Variants in LY9 observed in about 807,000 individuals in gnomAD.
LY9 encodes lymphocyte antigen 9, also known as T-lymphocyte surface antigen Ly-9.
A neutral mutation model predicts 64.6 loss-of-function variants in LY9; 59 were observed. The observed-to-expected ratio is 0.91, with a 90% CI of 0.74 to 1.13. The LOEUF (loss-of-function observed/expected upper bound fraction) is 1.13. Among genes scored for constraint, LY9 ranks in the 50% most tolerant of loss-of-function variants. The pLI is 0.00. For missense variants in LY9, 789 were observed against 797.2 expected (o/e 0.99, Z 0.12); for synonymous variants, 281 against 308.5 (o/e 0.91, Z 0.93).
chr1:160,817,166 T>G lies in LY9; in HGVS notation c.1342+303T>G, dbSNP rs939662950. On this transcript the variant is annotated intron_variant, in intron 5 of 9. Coordinates refer to ENST00000263285, the MANE Select transcript of LY9 (RefSeq NM_002348.4). ...ATTCATTAGACACTACATTTTATTT[T>G]GTACTAAGTCTTTGAGAGCCAGTAT... 2.8e-4 allele frequency among the ~76,000 whole-genome samples: 42 copies of G among 152,256 alleles called. 1 individual carries two copies. Among genetic ancestry groups the G allele is most frequent in the Non-Finnish European group, 5.9e-5 (4 of 68,044 alleles).
At position 160,827,926 on chromosome 1, in the gene LY9, G is replaced by A; in HGVS notation, c.*110G>A. 1.3e-6 allele frequency: 1 copy of A among 795,216 alleles called. No individual in the cohort carries two copies. Among genetic ancestry groups the A allele is most frequent in the South Asian group, 1.7e-5 (1 of 59,246 alleles). The allele number at this position is 795,216 out of a possible 1,614,324, so 49.3% of individuals were successfully genotyped here. On this transcript the variant is annotated 3_prime_UTR_variant, in exon 10 of 10. Transcript: ENST00000263285. ...GAAGCACCTCAGAATTTCCTTCAGTGCCTCAGAGATGCCTGGATGTGGCCC... is the reference window on the plus strand; with the variant it reads ...GAAGCACCTCAGAATTTCCTTCAGTACCTCAGAGATGCCTGGATGTGGCCC...
At chr1:160,826,312 G>A (rs1668849292) in intron 9 of LY9, among the ~76,000 whole-genome samples, 1 of 152,122 alleles carries the variant, frequency 6.6e-6, no homozygotes, top group Admixed American at 6.5e-5. Flanking sequence ...GGTAAAAGAG[G>A]TAGAGGAGGT....
intron 9 of LY9, among the ~76,000 whole-genome samples, chr1:160,826,682 G>T (rs1668869915): frequency 1.3e-5 from 2 of 152,182 alleles, no homozygotes; most frequent in African/African-American, 4.8e-5. Context: ...TTTGGGTTGG[G>T]CCTTAAAAGA....
chr1:160,814,584 G>A lies in LY9; in HGVS notation c.895G>A (p.Ala299Thr). ...ISKEREEAATADPLIKSRDPY... is the reference protein window; with the variant it reads ...ISKEREEAATTDPLIKSRDPY... ...CAAAGAGAGGGAAGAAGCAGCAACG[G>A]CAGATCCACTCATTAAATCCAGGGA... is the stretch of plus-strand genomic sequence containing the variant. Residue 299 changes from alanine to threonine, a missense_variant, in exon 4 of 10, where the codon GCA (alanine) becomes ACA (threonine). Physicochemically the swap from Ala to Thr is moderately conservative, Grantham distance 58. Transcript: ENST00000263285. The A allele has an allele frequency of 1.2e-6, 2 of 1,614,130 alleles. No individual in the cohort carries two copies. The highest frequency in any genetic ancestry group is 1.7e-6 in the Non-Finnish European group (2 of 1,180,022).
Position 160,824,625 on chromosome 1 carries a change from A to G in LY9, c.1899+376A>G, listed in dbSNP as rs1325680384. The stretch of plus-strand genomic sequence containing the variant: ...CCATTGAAAATTAGCTAACAATTTA[A>G]CAACAAGAATTTTTGGAAAATACAC... On this transcript the variant is annotated intron_variant, in intron 9 of 9. Coordinates refer to ENST00000263285, the MANE Select transcript of LY9 (RefSeq NM_002348.4). The G allele has an allele frequency of 3.1e-6, 3 of 983,424 alleles. No individual in the cohort carries two copies. In the East Asian group the frequency reaches 3.4e-4, roughly 112 times the overall value. The allele number at this position is 983,424 out of a possible 1,614,324, so 60.9% of individuals were successfully genotyped here. A position where few individuals can be genotyped will look rare whatever the true frequency, so the allele number is the denominator to read the frequency against.
At chr1:160,815,674 T>C (rs1667893864) in intron 4 of LY9, among the ~76,000 whole-genome samples, 1 of 152,186 alleles carries the variant, frequency 6.6e-6, no homozygotes, top group Admixed American at 6.5e-5. Context: ...GCATGAGCCA[T>C]GGCACCTGGC....
chr1:160,816,611 A>C lies in LY9; in HGVS notation c.1090A>C (p.Lys364Gln). Reference sequence around the variant, plus strand: ...CCTCACAGGCAGGCTGAGGAAGCCCAAAATCACGTGGAGCCTCAGGCACAG... The same window carrying C: ...CCTCACAGGCAGGCTGAGGAAGCCCCAAATCACGTGGAGCCTCAGGCACAG... ...LLIYRRLRKP[K>Q]ITWSLRHSED... Residue 364 changes from lysine to glutamine, a missense_variant, in exon 5 of 10, where the codon AAA becomes CAA. Coordinates refer to ENST00000263285, the MANE Select transcript of LY9 (RefSeq NM_002348.4). 1.2e-6 allele frequency: 2 copies of C among 1,606,128 alleles called. No individual in the cohort carries two copies. The highest frequency in any genetic ancestry group is 1.7e-5 in the Admixed American group (1 of 58,734).
At chr1:160,824,099 T>A in intron 8 of LY9, 82 bp from the exon 9 acceptor site, 1 of 1,558,778 alleles carries the variant, frequency 6.4e-7, no homozygotes, top group Non-Finnish European at 8.8e-7. Context: ...CCAGGGGGTA[T>A]CCCCTCTCCT....
chr1:160,799,482 C>A, intron 1 of LY9: 1 of 369,882 alleles, frequency 2.7e-6, no homozygotes, highest in South Asian at 5.5e-5. Flanking sequence ...AGAAATGTAC[C>A]CAAAGTCACA....
Position 160,813,433 on chromosome 1 carries a change from C to G in LY9, c.455-203C>G, listed in dbSNP as rs41266929. 2.9e-3 allele frequency: 1,735 copies of G among 596,616 alleles called. 6 individuals are homozygous for G. The highest frequency in any genetic ancestry group is 4.2e-3 in the Non-Finnish European group (1,406 of 336,262). 37.0% of individuals were successfully genotyped at this position (596,616 alleles called of 1,614,324 possible). ...AATCAGACTATTAGTCATGCTGAGT[C>G]ATGGTGATAACACCTGTAGCGGATG... On this transcript the variant is annotated intron_variant, in intron 2 of 9. Transcript: ENST00000263285.
In LY9 at chr1:160,814,647, T is replaced by G. The variant is rs1557806872; in HGVS notation, c.958T>G (p.Cys320Gly). ...CAGGGTGTGGGTCTCCAGCCAGGAC[T>G]GCTCCCTGAAGATCAGCCAGCTGAA... ...KNRVWVSSQD[C>G]SLKISQLKIE... Residue 320 changes from cysteine to glycine, a missense_variant, in exon 4 of 10, where the codon TGC becomes GGC. Physicochemically the swap from Cys to Gly is radical, Grantham distance 159. Transcript: ENST00000263285. The G allele has an allele frequency of 6.2e-7, 1 of 1,614,098 alleles. No individual in the cohort carries two copies. The highest frequency in any genetic ancestry group is 8.5e-7 in the Non-Finnish European group (1 of 1,179,992).
intron 2 of LY9, among the ~76,000 whole-genome samples, chr1:160,808,999 G>A (rs1255564420): frequency 6.6e-6 from 1 of 151,766 alleles, no homozygotes; most frequent in African/African-American, 2.4e-5. Flanking sequence ...TCATGTAACG[G>A]GTCTCCTACT....
intron 2 of LY9, chr1:160,813,050 A>T (rs1469477183): frequency 1.3e-5 from 2 of 156,320 alleles, no homozygotes; most frequent in Non-Finnish European, 2.8e-5. Context: ...ACGCCACTGC[A>T]CTCTAGCCTG....
intron 2 of LY9, chr1:160,802,405 G>T (rs1173617512): frequency 5.1e-6 from 5 of 986,572 alleles, no homozygotes; most frequent in Non-Finnish European, 4.8e-6. Context: ...CTGCGTGGGA[G>T]GTCACCGGCC....
At position 160,813,542 on chromosome 1, in the gene LY9, GC is replaced by G. The variant is rs1667691568; in HGVS notation, c.455-89del. 3 of 1,297,328 alleles carry G rather than the reference GC, an allele frequency of 2.3e-6. No individual in the cohort carries two copies. In the East Asian group the frequency reaches 7.0e-5, roughly 30 times the overall value. 80.4% of individuals were successfully genotyped at this position (1,297,328 alleles called of 1,614,324 possible). A position where few individuals can be genotyped will look rare whatever the true frequency, so the allele number is the denominator to read the frequency against. Reference sequence around the variant, plus strand: ...CAGGTAACGCTGGCCTCTCTCTGCTGCCCCCAACTCCCCTATTGTCACTCCC... The same window carrying G: ...CAGGTAACGCTGGCCTCTCTCTGCTGCCCCAACTCCCCTATTGTCACTCCC... On this transcript the variant is annotated intron_variant, in intron 2 of 9. Coordinates refer to ENST00000263285, the MANE Select transcript of LY9 (RefSeq NM_002348.4).
rs773792972 is a variant in LY9 at position 160,796,250 on chromosome 1, G to GA, written c.64dup (p.Arg22LysfsTer55). 6.2e-7 allele frequency: 1 copy of GA among 1,614,092 alleles called. No individual in the cohort carries two copies. Among genetic ancestry groups the GA allele is most frequent in the Non-Finnish European group, 8.5e-7 (1 of 1,180,012 alleles). On this transcript the variant is annotated frameshift_variant, in exon 1 of 10. Transcript: ENST00000263285. LOFTEE classifies it high-confidence loss of function. ...CTGGGCCTTTCTCCAGTAAGCCACA[G>GA]AGGAGTCAGCTGCAAATATTCTCTT...
At chr1:160,817,883 C>G (rs998945600) in intron 5 of LY9, among the ~76,000 whole-genome samples, 9 of 152,254 alleles carry the variant, frequency 5.9e-5, no homozygotes, top group African/African-American at 2.2e-4. Context: ...ATCTGGAACT[C>G]CCCTCATATC....
chr1:160,799,496 C>T (rs1471257747), intron 1 of LY9: 1 of 420,780 alleles, frequency 2.4e-6, no homozygotes, highest in African/African-American at 2.0e-5. Context: ...AGTCACAAGG[C>T]TAATTCCTCT....
chr1:160,817,518 T>C (rs1416775197), intron 5 of LY9, among the ~76,000 whole-genome samples: 1 of 152,180 alleles, frequency 6.6e-6, no homozygotes, highest in African/African-American at 2.4e-5. Context: ...TGGAAAGGGA[T>C]GTGGACCACA....
Sources: gnomAD v4.1 joint callset for allele counts (sites outside exome capture counted in the v4.1 genomes callset) on GRCh38, gnomAD v4.1.1 for gene constraint, MANE v1.5 for transcripts, NCBI Gene and HGNC (gene_info 2026-07-23, HGNC 2026-07-21) for gene names.